PPM1A: variants seen among roughly 807,000 people sequenced by gnomAD.
PPM1A encodes protein phosphatase, Mg2+/Mn2+ dependent 1A, also known as protein phosphatase 1A.
PPM1A carries 7 observed loss-of-function variants against 35.0 expected under a neutral mutation model. The observed-to-expected ratio is 0.20, with a 90% confidence interval of 0.11 to 0.38. PPM1A has a LOEUF of 0.38. Among genes scored for constraint, PPM1A ranks in the 10% least tolerant of loss-of-function variants. PPM1A has a pLI of 1.00. For missense variants in PPM1A, 239 were observed against 467.8 expected, an observed-to-expected ratio of 0.51 and a Z score of 4.51; for synonymous variants, 153 against 167.3, an observed-to-expected ratio of 0.91 and a Z score of 0.66.
upstream of PPM1A, chr14:60,249,165 C>T (rs1882004905): frequency 2.2e-6 from 2 of 916,544 alleles, no homozygotes; most frequent in African/African-American, 3.6e-5. This position sits in a 1 kb window ranked among gnomAD's most constrained non-coding sequence, Gnocchi z 4.5. Context: ...GCGGGGCGAG[C>T]GGAGGGGTGG....
upstream of PPM1A, among the ~76,000 whole-genome samples, chr14:60,248,026 G>A (rs1348401114): frequency 6.6e-6 from 1 of 152,108 alleles, no homozygotes; most frequent in Non-Finnish European, 1.5e-5. Flanking sequence ...ATGTGGTGTA[G>A]GTCAAATTCG....
intron 1 of PPM1A, among the ~76,000 whole-genome samples, chr14:60,280,095 C>T (rs565244251): frequency 9.9e-5 from 15 of 152,226 alleles, no homozygotes; most frequent in Admixed American, 7.8e-4. Flanking sequence ...CAACCTCTGC[C>T]TCCAGGTTCA....
At position 60,285,639 on chromosome 14, in the gene PPM1A, A is replaced by G. The variant is rs1886932085; in HGVS notation, c.850A>G (p.Met284Val). 6.2e-7 allele frequency: 1 copy of G among 1,613,562 alleles called. No individual in the cohort carries two copies. The highest frequency in any genetic ancestry group is 8.5e-7 in the Non-Finnish European group (1 of 1,179,760). ...TTCTTCCCAGGGAAGTCGAGACAAC[A>G]TGAGTGTGATTTTGATCTGTTTTCC... The part of the protein sequence containing the change: ...TCLYKGSRDN[M>V]SVILICFPNA... Residue 284 changes from methionine (M) to valine (V), a missense_variant, in exon 3 of 6, where the codon ATG (methionine) becomes GTG (valine). This residue lies in a region of PPM1A where 175 missense variants were observed against 389.2 expected (regional missense o/e 0.45). Transcript: ENST00000395076.
chr14:60,249,390 C>T lies in PPM1A; in HGVS notation c.-308C>T. 4 of 984,434 alleles carry T rather than the reference C, an allele frequency of 4.1e-6. No homozygotes were observed. The highest frequency in any genetic ancestry group is 4.8e-6 in the Non-Finnish European group (4 of 829,610). The allele number at this position is 984,434 out of a possible 1,614,324, so 61.0% of individuals were successfully genotyped here. A position where few individuals can be genotyped will look rare whatever the true frequency, so the allele number is the denominator to read the frequency against. ...GTGGGGGGACTCTAGACAGCTGAGGCGCGAAAGCGATGAGTCCTCGGCTCT... is the reference window on the plus strand; with the variant it reads ...GTGGGGGGACTCTAGACAGCTGAGGTGCGAAAGCGATGAGTCCTCGGCTCT... On this transcript the variant is annotated 5_prime_UTR_variant, in exon 1 of 6. Coordinates refer to ENST00000395076, the MANE Select transcript of PPM1A (RefSeq NM_021003.5). The surrounding 1 kb of genome is among the most constrained non-coding windows in gnomAD (Gnocchi z 4.5).
At position 60,282,640 on chromosome 14, in the gene PPM1A, T is replaced by C. The variant is rs535710921; in HGVS notation, c.-20-44T>C. Reference sequence around the variant, plus strand: ...AAAAGATTGTTTGGTACATATTTTGTTTATAAGACAGTTATTGACTTTCCT... The same window carrying C: ...AAAAGATTGTTTGGTACATATTTTGCTTATAAGACAGTTATTGACTTTCCT... On this transcript the variant is annotated intron_variant, in intron 1 of 5. Transcript: ENST00000395076. This position sits in a 1 kb window ranked among gnomAD's most constrained non-coding sequence, Gnocchi z 5.1. 3 of 1,576,076 alleles carry C rather than the reference T, an allele frequency of 1.9e-6. No individual in the cohort carries two copies. Among genetic ancestry groups the C allele is most frequent in the East Asian group, 2.2e-5 (1 of 44,502 alleles).
chr14:60,280,508 T>C (rs547077706), intron 1 of PPM1A, among the ~76,000 whole-genome samples: 1 of 152,376 alleles, frequency 6.6e-6, no homozygotes, highest in East Asian at 1.9e-4. Context: ...GGTTTGTCTC[T>C]TAAATGTGTT....
Position 60,289,770 on chromosome 14 carries a change from G to T in PPM1A, c.953-36G>T, listed in dbSNP as rs190218613. 77 of 1,379,640 alleles carry T rather than the reference G, an allele frequency of 5.6e-5. No homozygotes were observed. In the African/African-American group the frequency reaches 6.1e-4, roughly 11 times the overall value. 85.5% of individuals were successfully genotyped at this position (1,379,640 alleles called of 1,614,324 possible). On this transcript the variant is annotated intron_variant, in intron 3 of 5. Coordinates refer to ENST00000395076, the MANE Select transcript of PPM1A (RefSeq NM_021003.5). The surrounding 1 kb of genome is among the most constrained non-coding windows in gnomAD (Gnocchi z 4.1). Reference sequence around the variant, plus strand: ...TCGGTTTTCTTTTCAATTAAATTTGGATAACACTTACAAAAAAAGTACTTC... The same window carrying T: ...TCGGTTTTCTTTTCAATTAAATTTGTATAACACTTACAAAAAAAGTACTTC...
chr14:60,253,125 G>A (rs1478479988), intron 1 of PPM1A, among the ~76,000 whole-genome samples: 1 of 152,108 alleles, frequency 6.6e-6, no homozygotes, highest in Admixed American at 6.5e-5. Flanking sequence ...GTAAATATGT[G>A]ATAAAGGGGG....
intron 3 of PPM1A, chr14:60,287,640 T>G: frequency 1.0e-6 from 1 of 985,300 alleles, no homozygotes; most frequent in Non-Finnish European, 1.2e-6. Context: ...GCTTGGAACA[T>G]TTTTGGCTTC....
intron 1 of PPM1A, among the ~76,000 whole-genome samples, chr14:60,272,690 C>CAAAAA (rs34892158): frequency 7.3e-5 from 5 of 68,590 alleles, no homozygotes; most frequent in Non-Finnish European, 1.1e-4. Flanking sequence ...GACTCTGTCT[C>CAAAAA]AAAAAAAAAA....
At chr14:60,256,807 G>A (rs1381942961) in intron 1 of PPM1A, 2 of 152,190 alleles carry the variant, frequency 1.3e-5, no homozygotes, top group Non-Finnish European at 2.9e-5. Context: ...CCTAATACAT[G>A]TTCTTGGACT....
At position 60,292,519 on chromosome 14, in the gene PPM1A, C is replaced by T. The variant is rs1203587985; in HGVS notation, c.*37C>T. On this transcript the variant is annotated 3_prime_UTR_variant, in exon 6 of 6. Coordinates refer to ENST00000395076, the MANE Select transcript of PPM1A (RefSeq NM_021003.5). The surrounding 1 kb of genome is among the most constrained non-coding windows in gnomAD (Gnocchi z 4.2). ...TAGCCATGGAGTTTACCTTCACCTC[C>T]AAAGGAGAGTACAGCTCAACTTTGT... is the stretch of plus-strand genomic sequence containing the variant. 1.3e-6 allele frequency: 2 copies of T among 1,550,578 alleles called. No individual in the cohort carries two copies. Among genetic ancestry groups the T allele is most frequent in the Non-Finnish European group, 1.8e-6 (2 of 1,124,540 alleles).
At chr14:60,291,767 T>C (rs1224970029) in intron 5 of PPM1A, among the ~76,000 whole-genome samples, 2 of 151,784 alleles carry the variant, frequency 1.3e-5, no homozygotes, top group South Asian at 4.2e-4. Context: ...TTTTTTTTTT[T>C]TCCCGAAGTT....
chr14:60,290,994 A>G (rs905329241), intron 4 of PPM1A, among the ~76,000 whole-genome samples: 1 of 152,132 alleles, frequency 6.6e-6, no homozygotes, highest in Non-Finnish European at 1.5e-5. Flanking sequence ...TAGAAGCTTA[A>G]ATATAAAGTA....
At chr14:60,291,567 C>T (rs1237992727) in intron 5 of PPM1A, 113 bp downstream of exon 5, 2 of 728,544 alleles carry the variant, frequency 2.7e-6, no homozygotes, top group Non-Finnish European at 4.2e-6. Flanking sequence ...ACACACACCC[C>T]TGATTGATTG....
At chr14:60,250,584 A>T in intron 1 of PPM1A, 1 of 225,094 alleles carries the variant, frequency 4.4e-6, no homozygotes, top group Non-Finnish European at 7.4e-6. Context: ...ACCTCCCCGC[A>T]AGTTTCCTGC....
At chr14:60,270,493 T>A (rs1884955486) in intron 1 of PPM1A, among the ~76,000 whole-genome samples, 1 of 152,130 alleles carries the variant, frequency 6.6e-6, no homozygotes, top group South Asian at 2.1e-4. Flanking sequence ...AGGGTGGCAG[T>A]TTTCTCTGTT....
intron 1 of PPM1A, among the ~76,000 whole-genome samples, chr14:60,255,311 A>G (rs535649614): frequency 5.4e-4 from 81 of 150,432 alleles, no homozygotes; most frequent in Non-Finnish European, 8.7e-4. Context: ...AGCTGGGACT[A>G]CAGGCGCCCG....
chr14:60,289,033 C>A lies in PPM1A; in HGVS notation c.953-773C>A, dbSNP rs1887334043. On this transcript the variant is annotated intron_variant, in intron 3 of 5. Transcript: ENST00000395076. The surrounding 1 kb of genome is among the most constrained non-coding windows in gnomAD (Gnocchi z 4.1). ...ATAATAGTATGCATCTGCATGACAA[C>A]ACTGCAGATCATATTGCTGTGCCCT... 6.6e-6 allele frequency among the ~76,000 whole-genome samples: 1 copy of A among 152,074 alleles called. No individual in the cohort carries two copies. Among genetic ancestry groups the A allele is most frequent in the Admixed American group, 6.5e-5 (1 of 15,278 alleles).
Sources: gnomAD v4.1 joint callset for allele counts (sites outside exome capture counted in the v4.1 genomes callset) on GRCh38, gnomAD v4.1.1 for gene constraint, gnomAD v4.1.1 regional missense constraint, Gnocchi (gnomAD v3.1) non-coding constraint, MANE v1.5 for transcripts, NCBI Gene and HGNC (gene_info 2026-07-23, HGNC 2026-07-21) for gene names.